RRM2B: variants seen among roughly 807,000 people sequenced by gnomAD.
RRM2B encodes the protein ribonucleoside-diphosphate reductase subunit M2 B.
Under a neutral mutation model 45.9 loss-of-function variants are expected in RRM2B, and 20 were observed. The ratio of observed to expected loss-of-function variants is 0.44; its 90% confidence interval spans 0.31 to 0.63. RRM2B has a LOEUF of 0.63. Among genes scored for constraint, RRM2B ranks in the 30% least tolerant of loss-of-function variants. The pLI is 0.09. For synonymous variants in RRM2B, 124 were observed against 132.3 expected (o/e 0.94, Z 0.43); for missense variants, 320 against 414.7 (o/e 0.77, Z 1.98).
In RRM2B at chr8:102,224,875, C is replaced by T. The variant is rs754597732; in HGVS notation, c.455+10G>A. On this transcript the variant is annotated intron_variant, in intron 4 of 8. Transcript: ENST00000251810. ...TAAGCAATATTTTGTAAATAAAATC[C>T]CAACAATACCTTTTCTTGGGATCTC... 3.7e-6 allele frequency: 6 copies of T among 1,612,968 alleles called. No individual in the cohort carries two copies. The South Asian group carries it at 5.5e-5, about 15-fold the overall frequency.
chr8:102,217,675 GAGAA>G (rs1420779291), intron 6 of RRM2B, among the ~76,000 whole-genome samples: 1 of 152,148 alleles, frequency 6.6e-6, no homozygotes, highest in Non-Finnish European at 1.5e-5. Flanking sequence ...TAGCAGAAGA[GAGAA>G]AGAAGAAGTA....
At position 102,238,742 on chromosome 8, in the gene RRM2B, A is replaced by G. The variant is rs775570261; in HGVS notation, c.48+85T>C. 3 of 1,607,780 alleles carry G rather than the reference A, an allele frequency of 1.9e-6. No homozygotes were observed. The South Asian group carries it at 3.3e-5, about 18-fold the overall frequency. On this transcript the variant is annotated intron_variant, in intron 1 of 8. Coordinates refer to ENST00000251810, the MANE Select transcript of RRM2B (RefSeq NM_015713.5). ...AGGCCTGTCCTGACCGCGGCGAATA[A>G]CATTTCCTACAGCGGTCCTGCAACT...
chr8:102,214,854 G>A (rs2853228), intron 6 of RRM2B, among the ~76,000 whole-genome samples: 137,874 of 150,108 alleles, frequency 0.92, 63,908 homozygotes, highest in African/African-American at 0.98. Flanking sequence ...GATGAATATC[G>A]CCTGAAGCCA....
intron 6 of RRM2B, among the ~76,000 whole-genome samples, chr8:102,218,268 A>G (rs188873100): frequency 5.9e-5 from 9 of 152,280 alleles, no homozygotes; most frequent in Middle Eastern, 6.8e-3. Flanking sequence ...CCAGTGCGGG[A>G]ACCTAGGAGG....
intron 5 of RRM2B, among the ~76,000 whole-genome samples, chr8:102,220,150 G>A (rs1810805474): frequency 6.6e-6 from 1 of 152,092 alleles, no homozygotes; most frequent in Non-Finnish European, 1.5e-5. Flanking sequence ...GATGTGGGAG[G>A]AATGCTTGAG....
At position 102,232,314 on chromosome 8, in the gene RRM2B, A is replaced by G. The variant is rs372606550; in HGVS notation, c.49-10T>C. On this transcript the variant is annotated splice_polypyrimidine_tract_variant and intron_variant, in intron 1 of 8. Coordinates refer to ENST00000251810, the MANE Select transcript of RRM2B (RefSeq NM_015713.5). ...TGTCTGAAGATGATCTCTTTGAAAA[A>G]TAAAGTACAAACACGCCTTTTATAT... 6.2e-7 allele frequency: 1 copy of G among 1,613,300 alleles called. No homozygotes were observed. Among genetic ancestry groups the G allele is most frequent in the African/African-American group, 1.3e-5 (1 of 74,896 alleles).
intron 8 of RRM2B, among the ~76,000 whole-genome samples, chr8:102,209,615 G>A (rs535216410): frequency 2.0e-5 from 3 of 152,282 alleles, no homozygotes; most frequent in African/African-American, 7.2e-5. Context: ...ATATGATCCA[G>A]CAATTTCACT....
chr8:102,222,996 T>G (rs940503156), intron 5 of RRM2B, among the ~76,000 whole-genome samples: 2 of 152,052 alleles, frequency 1.3e-5, no homozygotes, highest in Admixed American at 6.6e-5. Context: ...CACTTTGGAG[T>G]GCTCAATAAT....
chr8:102,221,497 A>G (rs1180583782), intron 5 of RRM2B, among the ~76,000 whole-genome samples: 3 of 152,184 alleles, frequency 2.0e-5, no homozygotes, highest in Non-Finnish European at 2.9e-5. Flanking sequence ...AAGCAAGGCA[A>G]TATTTCCATG....
chr8:102,238,616 G>T (rs1356617055), intron 1 of RRM2B: 11 of 1,530,328 alleles, frequency 7.2e-6, no homozygotes, highest in Non-Finnish European at 9.6e-6. Context: ...AGCAGCGAGC[G>T]GGACGCAAAC....
At chr8:102,222,765 G>C (rs1424350075) in intron 5 of RRM2B, among the ~76,000 whole-genome samples, 2 of 152,098 alleles carry the variant, frequency 1.3e-5, no homozygotes, top group Non-Finnish European at 2.9e-5. Flanking sequence ...TACTCCAACT[G>C]TTTCCTATTA....
Position 102,209,518 on chromosome 8 carries a change from C to A in RRM2B, c.904-1233G>T, listed in dbSNP as rs28927377. ...TGGTGCGGATGTGGAGAAATTAGAA[C>A]CCTCATACAGGGTGGGAATATAAAA... On this transcript the variant is annotated intron_variant, in intron 8 of 8. Transcript: ENST00000251810. 8.8e-3 allele frequency among the ~76,000 whole-genome samples: 1,340 copies of A among 152,228 alleles called. 11 individuals are homozygous for A. Among genetic ancestry groups the A allele is most frequent in the African/African-American group, 0.029 (1,210 of 41,534 alleles).
rs12547284 is a variant in RRM2B, at chr8:102,226,386, C to T, written c.205-352G>A. On this transcript the variant is annotated intron_variant, in intron 2 of 8. Transcript: ENST00000251810. ...CTTAAACATACACAATAAAATTTATCTTTAAAAAATTAAGATGGAATCGAA... is the reference window on the plus strand; with the variant it reads ...CTTAAACATACACAATAAAATTTATTTTTAAAAAATTAAGATGGAATCGAA... Among the ~76,000 whole-genome samples the T allele has an allele frequency of 4.9e-3, 738 of 151,096 alleles. 26 individuals are homozygous for T. Among genetic ancestry groups the T allele is most frequent in the Admixed American group, 0.045 (680 of 15,180 alleles).
In RRM2B at chr8:102,207,932, A is replaced by G; in HGVS notation, c.*201T>C. The G allele has an allele frequency of 1.9e-6, 1 of 530,696 alleles. No homozygotes were observed. Among genetic ancestry groups the G allele is most frequent in the Non-Finnish European group, 3.3e-6 (1 of 298,540 alleles). 32.9% of individuals were successfully genotyped at this position (530,696 alleles called of 1,614,324 possible). On this transcript the variant is annotated 3_prime_UTR_variant, in exon 9 of 9. Transcript: ENST00000251810. ...TAATGCCATCTTTTATTTCAGTGAC[A>G]AGACAAAAGCATTTAGGTCACACTC...
chr8:102,226,677 C>A (rs952771607), intron 2 of RRM2B, among the ~76,000 whole-genome samples: 1 of 152,120 alleles, frequency 6.6e-6, no homozygotes, highest in Non-Finnish European at 1.5e-5. Flanking sequence ...AATCAGTCTA[C>A]TTTTACATCC....
chr8:102,223,148 T>C (rs1810863944), intron 5 of RRM2B, among the ~76,000 whole-genome samples: 1 of 152,080 alleles, frequency 6.6e-6, no homozygotes, highest in Non-Finnish European at 1.5e-5. Context: ...ATGAAATATA[T>C]AAATATTTTA....
chr8:102,233,112 G>A lies in RRM2B; in HGVS notation c.49-808C>T, dbSNP rs551129674. Among the ~76,000 whole-genome samples, 221 of 152,276 alleles carry A rather than the reference G, an allele frequency of 1.5e-3. 1 individual carries two copies. The highest frequency in any genetic ancestry group is 5.1e-3 in the African/African-American group (212 of 41,540). On this transcript the variant is annotated intron_variant, in intron 1 of 8. Transcript: ENST00000251810. ...CAAAGGACATACAAATAAGCTAAAC[G>A]TGTATAAACCAGGATTAGAACACAT...
At chr8:102,232,400 G>A in intron 1 of RRM2B, 96 bp from the exon 2 acceptor site, 1 of 1,246,520 alleles carries the variant, frequency 8.0e-7, no homozygotes, top group Non-Finnish European at 1.2e-6. Flanking sequence ...AGACGGCATT[G>A]GTTTGAGAGC....
intron 2 of RRM2B, among the ~76,000 whole-genome samples, chr8:102,226,790 T>C (rs1810940000): frequency 6.6e-6 from 1 of 152,214 alleles, no homozygotes; most frequent in Non-Finnish European, 1.5e-5. Context: ...CTTGGCTCAC[T>C]GCAACCTTCG....
Sources: allele counts gnomAD v4.1 joint callset (sites outside exome capture counted in the v4.1 genomes callset), GRCh38; gene constraint gnomAD v4.1.1; transcripts MANE v1.5; gene names NCBI Gene and HGNC (gene_info 2026-07-23, HGNC 2026-07-21).